The following STK32A variants were observed in gnomAD, a reference collection of about 807,000 sequenced individuals.
STK32A encodes serine/threonine kinase 32A, also known as serine/threonine-protein kinase 32A.
STK32A carries 41 observed loss-of-function variants against 53.2 expected under a neutral mutation model. The ratio of observed to expected loss-of-function variants is 0.77; its 90% CI spans 0.60 to 1.00. The LOEUF is 1.00. Ranked by LOEUF, STK32A falls within the 50% of genes least tolerant of loss-of-function variation. STK32A has a pLI of 0.00. For missense variants in STK32A, 458 were observed against 485.8 expected (o/e 0.94, Z 0.54); for synonymous variants, 166 against 162.8 (o/e 1.02, Z -0.15).
chr5:147,370,943 T>A (rs1050182755), intron 9 of STK32A, among the ~76,000 whole-genome samples, 173 bp downstream of exon 9: 10 of 152,120 alleles, frequency 6.6e-5, no homozygotes, highest in African/African-American at 2.4e-4. Context: ...CAACTCAGAT[T>A]CCCCTTGGAT....
chr5:147,238,844 T>A (rs889297430), intron 1 of STK32A, among the ~76,000 whole-genome samples: 1 of 151,794 alleles, frequency 6.6e-6, no homozygotes, highest in African/African-American at 2.4e-5. Context: ...TATATAAACA[T>A]AATATATACG....
chr5:147,394,161 A>C, the STK32A span: 16 of 1,596,564 alleles, frequency 1.0e-5, no homozygotes, highest in Admixed American at 1.7e-5. Context: ...GAAAAAAAAA[A>C]CAGAGTGGCG....
intron 6 of STK32A, among the ~76,000 whole-genome samples, chr5:147,343,834 T>TA (rs1340658516): frequency 6.6e-6 from 1 of 152,140 alleles, no homozygotes; most frequent in Admixed American, 6.5e-5. Flanking sequence ...AAGAAAAACA[T>TA]AAAAAAGATA....
chr5:147,300,483 T>C (rs1753077801), intron 4 of STK32A, among the ~76,000 whole-genome samples: 1 of 152,256 alleles, frequency 6.6e-6, no homozygotes, highest in Non-Finnish European at 1.5e-5. Context: ...GTATGTTTTT[T>C]ATCACTGCCT....
chr5:147,308,379 A>G (rs1753526089), intron 4 of STK32A, among the ~76,000 whole-genome samples: 1 of 152,110 alleles, frequency 6.6e-6, no homozygotes, highest in African/African-American at 2.4e-5. Flanking sequence ...ACAATTGATT[A>G]TTAATATTGA....
Position 147,359,264 on chromosome 5 carries a change from A to G in STK32A, c.563-2253A>G, listed in dbSNP as rs75263110. On this transcript the variant is annotated intron_variant, in intron 7 of 12. Coordinates refer to ENST00000397936, the MANE Select transcript of STK32A (RefSeq NM_001112724.2). The stretch of plus-strand genomic sequence containing the variant: ...GGGCTCAAATAATTACTCGTCTGTT[A>G]TGTTTTTGTATGTTGTCATAAGGTT... 1.6e-3 allele frequency among the ~76,000 whole-genome samples: 241 copies of G among 152,140 alleles called. 4 individuals are homozygous for G. The East Asian group carries it at 0.045, about 28-fold the overall frequency.
the STK32A span, chr5:147,400,633 C>A: frequency 1.3e-6 from 2 of 1,582,050 alleles, no homozygotes; most frequent in East Asian, 2.3e-5. Flanking sequence ...GCAGGAGGTT[C>A]TGATCTGGCC....
At chr5:147,373,895 T>A (rs1757115271) in intron 10 of STK32A, among the ~76,000 whole-genome samples, 1 of 152,142 alleles carries the variant, frequency 6.6e-6, no homozygotes, top group Admixed American at 6.6e-5. Flanking sequence ...AGGTCCCAAG[T>A]GAGGCCACTA....
At chr5:147,312,764 G>A (rs1193458115) in intron 4 of STK32A, among the ~76,000 whole-genome samples, 1 of 152,156 alleles carries the variant, frequency 6.6e-6, no homozygotes, top group Non-Finnish European at 1.5e-5. Flanking sequence ...AGGCACTGAC[G>A]TACTGCTGGT....
chr5:147,361,503 T>C lies in STK32A; in HGVS notation c.563-14T>C, dbSNP rs368383932. 90 of 1,590,896 alleles carry C rather than the reference T, an allele frequency of 5.7e-5. No individual in the cohort carries two copies. The highest frequency in any genetic ancestry group is 7.0e-5 in the Non-Finnish European group (81 of 1,162,112). ...TCAGGGAATCAAACTGGTTTAATTT[T>C]TCGTGTTTTTCAGCACCTGAGATGT... On this transcript the variant is annotated splice_polypyrimidine_tract_variant and intron_variant, in intron 7 of 12. Coordinates refer to ENST00000397936, the MANE Select transcript of STK32A (RefSeq NM_001112724.2).
chr5:147,356,872 T>C (rs1756273542), intron 7 of STK32A, among the ~76,000 whole-genome samples: 1 of 152,210 alleles, frequency 6.6e-6, no homozygotes, highest in African/African-American at 2.4e-5. Flanking sequence ...ACTCAACCTG[T>C]ACATTTAAAT....
At chr5:147,241,453 T>G (rs1753574867) in intron 2 of STK32A, among the ~76,000 whole-genome samples, 1 of 151,948 alleles carries the variant, frequency 6.6e-6, no homozygotes, top group Non-Finnish European at 1.5e-5. Flanking sequence ...CACTCCAGCC[T>G]GGGCGACAGA....
intron 2 of STK32A, among the ~76,000 whole-genome samples, chr5:147,254,526 C>T (rs1006009973): frequency 1.3e-5 from 2 of 152,140 alleles, no homozygotes; most frequent in African/African-American, 4.8e-5. Context: ...AGCAAGGCAA[C>T]GTACTTCTAT....
At chr5:147,262,603 CA>C (rs959023994) in intron 2 of STK32A, among the ~76,000 whole-genome samples, 2 of 89,066 alleles carry the variant, frequency 2.2e-5, no homozygotes, top group East Asian at 2.9e-4. Flanking sequence ...CAAAACAAAA[CA>C]AAAAAAAACA....
At chr5:147,268,934 T>C (rs2151950377) in intron 2 of STK32A, among the ~76,000 whole-genome samples, 1 of 152,194 alleles carries the variant, frequency 6.6e-6, no homozygotes, top group East Asian at 1.9e-4. Flanking sequence ...TACCCAACTC[T>C]GTGCTGCTTA....
At chr5:147,335,406 A>G (rs1355192409) in intron 5 of STK32A, among the ~76,000 whole-genome samples, 1 of 152,142 alleles carries the variant, frequency 6.6e-6, no homozygotes, top group African/African-American at 2.4e-5. Flanking sequence ...TGATTCAACA[A>G]TTCAGCAGTA....
At position 147,375,149 on chromosome 5, in the gene STK32A, A is replaced by G. The variant is rs1757179681; in HGVS notation, c.963A>G (p.Lys321=). The G allele has an allele frequency of 5.0e-6, 8 of 1,610,134 alleles. No homozygotes were observed. Among genetic ancestry groups the G allele is most frequent in the Non-Finnish European group, 6.8e-6 (8 of 1,178,322 alleles). ...TTGAGGAAATGATTTTGGAGTCCAAACCTCTACATAAGAAAAAAAAGCGTC... is the reference window on the plus strand; with the variant it reads ...TTGAGGAAATGATTTTGGAGTCCAAGCCTCTACATAAGAAAAAAAAGCGTC... ...FELEEMILES[K]PLHKKKKRLA... is the part of the protein sequence containing the mutation. Residue 321 remains lysine (K), a synonymous_variant, in exon 11 of 13, where the codon AAA becomes AAG. Transcript: ENST00000397936.
At chr5:147,284,012 T>C (rs559091646) in intron 4 of STK32A, among the ~76,000 whole-genome samples, 2 of 152,102 alleles carry the variant, frequency 1.3e-5, no homozygotes, top group African/African-American at 4.8e-5. Flanking sequence ...ACACAGATGC[T>C]GAAATCCTTA....
In STK32A at chr5:147,279,231, G is replaced by C. The variant is rs749012134; in HGVS notation, c.109-16G>C. The stretch of plus-strand genomic sequence containing the variant: ...TATCTCCCTAATCACTCTCTCACTC[G>C]GGTTTTCACCATTAGGTCTGCATTG... On this transcript the variant is annotated splice_polypyrimidine_tract_variant and intron_variant, in intron 3 of 12. Coordinates refer to ENST00000397936, the MANE Select transcript of STK32A (RefSeq NM_001112724.2). The C allele has an allele frequency of 4.4e-6, 7 of 1,596,996 alleles. No homozygotes were observed. The African/African-American group carries it at 8.0e-5, about 18-fold the overall frequency.
Sources: gnomAD v4.1 joint callset for allele counts (sites outside exome capture counted in the v4.1 genomes callset) on GRCh38, gnomAD v4.1.1 for gene constraint, MANE v1.5 for transcripts, NCBI Gene and HGNC (gene_info 2026-07-23, HGNC 2026-07-21) for gene names.